The following SESN1 variants were observed in gnomAD, a reference collection of about 807,000 sequenced individuals.
SESN1 encodes the protein sestrin 1.
In SESN1, 30 loss-of-function variants were observed where a neutral mutation model predicts 59.3. That is an observed-to-expected ratio of 0.51 (90% CI 0.38 to 0.69). SESN1 has a LOEUF of 0.69. Among genes scored for constraint, SESN1 ranks in the 30% least tolerant of loss-of-function variants. SESN1 has a pLI of 0.00. For missense variants in SESN1, 566 were observed against 673.0 expected (o/e 0.84, Z 1.76); for synonymous variants, 197 against 219.9 (o/e 0.90, Z 0.92).
At chr6:109,059,991 A>T (rs997535558) in intron 1 of SESN1, among the ~76,000 whole-genome samples, 3 of 152,116 alleles carry the variant, frequency 2.0e-5, no homozygotes, top group African/African-American at 7.2e-5. Flanking sequence ...GTATTCTTTG[A>T]CCTACTTTAG....
chr6:108,994,771 C>T (rs558631260), intron 5 of SESN1, among the ~76,000 whole-genome samples, 162 bp from the exon 6 acceptor site: 1 of 144,428 alleles, frequency 6.9e-6, no homozygotes, highest in Non-Finnish European at 1.5e-5. Context: ...GGCGCGATCT[C>T]GGCTCACTGC....
At position 109,026,408 on chromosome 6, in the gene SESN1, T is replaced by C. The variant is rs544072419; in HGVS notation, c.280-24065A>G. On this transcript the variant is annotated intron_variant, in intron 1 of 9. Coordinates refer to ENST00000436639, the MANE Select transcript of SESN1 (RefSeq NM_014454.3). ...ATTCTCACCTACCCAGAATAGTACA[T>C]TCTGTACGAATTCTGAATAGCTTTG... Among the ~76,000 whole-genome samples the C allele has an allele frequency of 2.2e-4, 34 of 152,340 alleles. 1 individual carries two copies. Among genetic ancestry groups the C allele is most frequent in the Admixed American group, 2.0e-3 (31 of 15,304 alleles).
intron 1 of SESN1, among the ~76,000 whole-genome samples, chr6:109,077,099 A>T (rs966263814): frequency 1.3e-5 from 2 of 152,348 alleles, no homozygotes; most frequent in African/African-American, 4.8e-5. Context: ...AAACATAGAA[A>T]AAGTACAGTA....
At chr6:109,075,945 C>G (rs1005993928) in intron 1 of SESN1, among the ~76,000 whole-genome samples, 2 of 152,180 alleles carry the variant, frequency 1.3e-5, no homozygotes, top group Admixed American at 6.5e-5. Flanking sequence ...AAGCCTGGAC[C>G]CTGCTCCTCC....
chr6:108,998,925 C>T (rs1779558897), intron 4 of SESN1, 170 bp from the exon 5 acceptor site: 2 of 599,360 alleles, frequency 3.3e-6, no homozygotes, highest in African/African-American at 1.9e-5. Context: ...TATGAATATG[C>T]ATTCACAAAT....
At chr6:109,009,390 T>C in intron 1 of SESN1, 2 of 1,465,924 alleles carry the variant, frequency 1.4e-6, no homozygotes, top group Non-Finnish European at 1.8e-6. Flanking sequence ...GCCGCACTGC[T>C]TGCAGCCCAG....
Position 108,987,592 on chromosome 6 carries a change from T to C in SESN1, c.1608A>G (p.Gln536=). 6.2e-7 allele frequency: 1 copy of C among 1,605,350 alleles called. No individual in the cohort carries two copies. Among genetic ancestry groups the C allele is most frequent in the Non-Finnish European group, 8.5e-7 (1 of 1,172,826 alleles). Residue 536 remains glutamine (Q), a synonymous_variant, in exon 10 of 10, where the codon CAA becomes CAG. Transcript: ENST00000436639. ...VNLLLIEARM[Q]AELLYALRAI... ...CTCTCAGAGCATAAAGGAGTTCTGC[T>C]TGCATCCTAGCTTCTATAAGAAGCA... is the stretch of plus-strand genomic sequence containing the variant.
chr6:108,998,372 C>G lies in SESN1; in HGVS notation c.972+141G>C, dbSNP rs933518259. ...AGCATGTGAGGCAGTCAATAAAACC[C>G]TACTGAATGAATAGATATAGGGGCC... On this transcript the variant is annotated intron_variant, in intron 5 of 9. Transcript: ENST00000436639. 2.6e-4 allele frequency: 231 copies of G among 901,572 alleles called. 2 individuals carry two copies. Among genetic ancestry groups the G allele is most frequent in the Admixed American group, 1.8e-4 (7 of 38,904 alleles). 55.8% of individuals were successfully genotyped at this position (901,572 alleles called of 1,614,324 possible). A position where few individuals can be genotyped will look rare whatever the true frequency, so the allele number is the denominator to read the frequency against.
chr6:109,069,932 G>C (rs1780902187), intron 1 of SESN1, among the ~76,000 whole-genome samples: 1 of 152,120 alleles, frequency 6.6e-6, no homozygotes, highest in Non-Finnish European at 1.5e-5. Flanking sequence ...CTTAAAAAAT[G>C]TGATGAAACC....
chr6:109,064,347 G>C (rs1337106468), intron 1 of SESN1, among the ~76,000 whole-genome samples: 1 of 151,562 alleles, frequency 6.6e-6, no homozygotes, highest in Admixed American at 6.6e-5. Context: ...CCACATATCA[G>C]GCTATAATGG....
chr6:109,022,035 A>G (rs901622841), intron 1 of SESN1, among the ~76,000 whole-genome samples: 4 of 151,762 alleles, frequency 2.6e-5, no homozygotes, highest in African/African-American at 9.7e-5. Flanking sequence ...TTAAGCACCT[A>G]CTATGTGCCA....
intron 1 of SESN1, among the ~76,000 whole-genome samples, chr6:109,075,457 TTCTCAGGCTAATACTCTC>T (rs1167445701): frequency 6.6e-6 from 1 of 152,190 alleles, no homozygotes; most frequent in Non-Finnish European, 1.5e-5. Flanking sequence ...CTGGCACTCT[TTCTCAGGCTAATACTCTC>T]TCCAGCTCCT....
chr6:109,040,370 T>C (rs989977164), intron 1 of SESN1, among the ~76,000 whole-genome samples: 3 of 152,220 alleles, frequency 2.0e-5, no homozygotes, highest in Non-Finnish European at 4.4e-5. Flanking sequence ...TTACTGGGGT[T>C]GAAGAAGGAT....
chr6:109,087,358 T>TA (rs1461690988), intron 1 of SESN1, among the ~76,000 whole-genome samples: 3 of 151,858 alleles, frequency 2.0e-5, no homozygotes, highest in African/African-American at 7.3e-5. Flanking sequence ...AAAAAAAAGT[T>TA]AAAGATTTGC....
intron 1 of SESN1, among the ~76,000 whole-genome samples, chr6:109,064,755 G>GT (rs1780794785): frequency 6.6e-6 from 1 of 150,992 alleles, no homozygotes. Context: ...CAAGCATAGA[G>GT]TATATGAAGT....
At chr6:109,041,147 A>C (rs1009308794) in intron 1 of SESN1, among the ~76,000 whole-genome samples, 1 of 150,938 alleles carries the variant, frequency 6.6e-6, no homozygotes, top group South Asian at 2.1e-4. Flanking sequence ...TTAAAAAAAA[A>C]AAAAACAAAC....
chr6:108,998,792 T>C (rs1295226615), intron 4 of SESN1, 37 bp from the exon 5 acceptor site: 12 of 1,575,854 alleles, frequency 7.6e-6, no homozygotes, highest in African/African-American at 1.4e-5. Flanking sequence ...ATTTTTGTAC[T>C]GGGGTGTGGT....
chr6:109,002,220 C>A, intron 2 of SESN1, 58 bp downstream of exon 2: 2 of 1,462,528 alleles, frequency 1.4e-6, no homozygotes, highest in South Asian at 2.3e-5. Context: ...ACATGTGGGT[C>A]ATGAAAGCTC....
rs569619232 is a variant in SESN1, at chr6:109,008,424, T to C, written c.280-6081A>G. ...CTGTAAACAAGGAACATCTAATATG[T>C]CCATAAATGTTAAAATCTCAAAAAA... On this transcript the variant is annotated intron_variant, in intron 1 of 9. Coordinates refer to ENST00000436639, the MANE Select transcript of SESN1 (RefSeq NM_014454.3). Among the ~76,000 whole-genome samples the C allele has an allele frequency of 2.6e-4, 39 of 151,866 alleles. No homozygotes were observed. The South Asian group carries it at 8.0e-3, about 31-fold the overall frequency.
Sources: gnomAD v4.1 joint callset for allele counts (sites outside exome capture counted in the v4.1 genomes callset) on GRCh38, gnomAD v4.1.1 for gene constraint, MANE v1.5 for transcripts, NCBI Gene and HGNC (gene_info 2026-07-23, HGNC 2026-07-21) for gene names.